Variants in SLC6A18 observed in about 807,000 individuals in gnomAD.
The protein encoded by SLC6A18 is inactive sodium-dependent neutral amino acid transporter B(0)AT3.
In SLC6A18, 58 loss-of-function variants were observed where a neutral mutation model predicts 62.9. The observed-to-expected ratio is 0.92, with a 90% confidence interval of 0.75 to 1.15. The LOEUF (loss-of-function observed/expected upper bound fraction) is 1.15. SLC6A18 is among the 50% of genes most tolerant of loss of function. SLC6A18 has a pLI of 0.00. For missense variants in SLC6A18, 793 were observed against 836.6 expected (o/e 0.95, Z 0.64); for synonymous variants, 382 against 365.8 (o/e 1.04, Z -0.51).
At chr5:1,229,569 G>A (rs902974809) in intron 1 of SLC6A18, among the ~76,000 whole-genome samples, 11 of 152,184 alleles carry the variant, frequency 7.2e-5, no homozygotes, top group African/African-American at 2.7e-4. Context: ...CCTGGACAGT[G>A]GATCCCATAT....
intron 3 of SLC6A18, among the ~76,000 whole-genome samples, chr5:1,233,585 CTTTT>C (rs111463112): frequency 6.5e-5 from 9 of 138,614 alleles, no homozygotes; most frequent in Admixed American, 7.2e-5. Flanking sequence ...ATATTTTCTT[CTTTT>C]TTTTTTTTTT....
intron 1 of SLC6A18, among the ~76,000 whole-genome samples, chr5:1,225,846 A>T (rs529032822): frequency 6.6e-6 from 1 of 152,192 alleles, no homozygotes; most frequent in East Asian, 1.9e-4. Context: ...ACCACTGCCC[A>T]CAGCACGGAG....
At chr5:1,228,654 A>G (rs1436047848) in intron 1 of SLC6A18, among the ~76,000 whole-genome samples, 1 of 152,204 alleles carries the variant, frequency 6.6e-6, no homozygotes, top group South Asian at 2.1e-4. Context: ...AACTTCACGT[A>G]ATTGTTAAAA....
Position 1,242,816 on chromosome 5 carries a change from G to A in SLC6A18, c.1084G>A (p.Ala362Thr), listed in dbSNP as rs1310642908. The change falls in exon 8 of 12, where the codon GCC becomes ACC. Residue 362 changes from alanine (A) to threonine (T), a missense_variant. Coordinates refer to ENST00000324642, the MANE Select transcript of SLC6A18 (RefSeq NM_182632.3). ...GAACGCCACCTGGCCCAAGAGGGTG[G>A]CCCAGCTCCCCCTGAAGGCCTGCCT... ...HLNATWPKRV[A>T]QLPLKACLLE... 6.2e-7 allele frequency: 1 copy of A among 1,613,500 alleles called. No individual in the cohort carries two copies. Among genetic ancestry groups the A allele is most frequent in the Non-Finnish European group, 8.5e-7 (1 of 1,179,700 alleles).
At chr5:1,237,240 C>CAAAAA (rs61528804) in intron 4 of SLC6A18, among the ~76,000 whole-genome samples, 4 of 76,482 alleles carry the variant, frequency 5.2e-5, no homozygotes, top group African/African-American at 1.1e-4. Flanking sequence ...GACTCTGTCT[C>CAAAAA]AAAAAAAAAA....
chr5:1,231,238 G>T (rs1038432515), intron 1 of SLC6A18, among the ~76,000 whole-genome samples: 2 of 152,200 alleles, frequency 1.3e-5, no homozygotes, highest in African/African-American at 4.8e-5. Context: ...AGAAGGCACG[G>T]CCATTCATCT....
chr5:1,233,792 A>G (rs1746802180), intron 3 of SLC6A18, among the ~76,000 whole-genome samples: 1 of 147,762 alleles, frequency 6.8e-6, no homozygotes, highest in South Asian at 2.1e-4. Context: ...CCCAGGCTGG[A>G]GTGCAGTGGT....
At chr5:1,237,082 A>T (rs114886869) in intron 4 of SLC6A18, among the ~76,000 whole-genome samples, 2,987 of 151,816 alleles carry the variant, frequency 0.02, 73 homozygotes, top group South Asian at 0.1. Flanking sequence ...AAAAATAAAA[A>T]AAAAAAAAAA....
At chr5:1,238,319 C>G (rs6877764) in intron 5 of SLC6A18, among the ~76,000 whole-genome samples, 2,989 of 104,610 alleles carry the variant, frequency 0.029, 58 homozygotes, top group Admixed American at 0.048. Flanking sequence ...TCAGGAAAGA[C>G]ATCAGGTTTG....
intron 1 of SLC6A18, among the ~76,000 whole-genome samples, chr5:1,227,383 C>T (rs1275208252): frequency 1.3e-5 from 2 of 152,220 alleles, no homozygotes; most frequent in Non-Finnish European, 2.9e-5. Flanking sequence ...AACGACTCTA[C>T]CATCAATCTC....
intron 3 of SLC6A18, among the ~76,000 whole-genome samples, chr5:1,233,996 C>CT (rs1425033994): frequency 3.9e-5 from 6 of 152,188 alleles, no homozygotes; most frequent in Admixed American, 2.6e-4. Flanking sequence ...CTGCCTCGGC[C>CT]TCCCAAAGTG....
rs537920983 is a variant in SLC6A18 at position 1,244,830 on chromosome 5, C to T, written c.1656+63C>T. 151 of 1,498,498 alleles carry T rather than the reference C, an allele frequency of 1.0e-4. No homozygotes were observed. The East Asian group carries it at 2.4e-3, about 24-fold the overall frequency. 92.8% of individuals were successfully genotyped at this position (1,498,498 alleles called of 1,614,324 possible). A position where few individuals can be genotyped will look rare whatever the true frequency, so the allele number is the denominator to read the frequency against. The stretch of plus-strand genomic sequence containing the variant: ...CCCCTCGGGCTTGGTCTGGCCCCTA[C>T]GGTGCCATCCGGTGCCCGACGACCC... On this transcript the variant is annotated intron_variant, in intron 11 of 11. Coordinates refer to ENST00000324642, the MANE Select transcript of SLC6A18 (RefSeq NM_182632.3).
At chr5:1,225,667 C>A (rs1228582789) in intron 1 of SLC6A18, 30 bp downstream of exon 1, 4 of 1,523,982 alleles carry the variant, frequency 2.6e-6, no homozygotes, top group Middle Eastern at 1.8e-4. Flanking sequence ...CTGGGGCAGA[C>A]CCCTAAGCAG....
In SLC6A18 at chr5:1,225,504, G is replaced by C. The variant is rs35228900; in HGVS notation, c.27G>C (p.Pro9=). The C allele has an allele frequency of 4.8e-5, 77 of 1,613,204 alleles. No individual in the cohort carries two copies. Among genetic ancestry groups the C allele is most frequent in the Non-Finnish European group, 6.2e-5 (73 of 1,179,592 alleles). Residue 9 remains proline (P), a synonymous_variant, in exon 1 of 12, where the codon CCG becomes CCC. Transcript: ENST00000324642. ...TGGCTCATGCCCCAGAACCGGACCCGGCCGCCTGCGACCTCGGGGATGAGA... is the reference window on the plus strand; with the variant it reads ...TGGCTCATGCCCCAGAACCGGACCCCGCCGCCTGCGACCTCGGGGATGAGA... MAHAPEPD[P]AACDLGDERP...
At chr5:1,244,950 G>C (rs941083099) in intron 11 of SLC6A18, among the ~76,000 whole-genome samples, 183 bp downstream of exon 11, 6 of 54,960 alleles carry the variant, frequency 1.1e-4, no homozygotes, top group Non-Finnish European at 2.2e-4. Flanking sequence ...TGGGCTTTGT[G>C]CAGCGCCCGA....
At chr5:1,242,950 G>A in intron 8 of SLC6A18, 87 bp downstream of exon 8, 2 of 1,430,730 alleles carry the variant, frequency 1.4e-6, no homozygotes, top group Non-Finnish European at 1.9e-6. Context: ...GCCAAAGGCT[G>A]CAAACAATTC....
intron 5 of SLC6A18, 59 bp downstream of exon 5, chr5:1,238,119 C>A: frequency 1.5e-6 from 2 of 1,304,260 alleles, no homozygotes; most frequent in South Asian, 1.2e-5. Flanking sequence ...AGGGCTGTGG[C>A]CAGCAGCTCC....
In SLC6A18 at chr5:1,234,033, G is replaced by A. The variant is rs942024496; in HGVS notation, c.439+1145G>A. ...TGGGATTACAGGCGTGAGCCACCGC[G>A]CCCGGCCAGCACCCAGCTAATTTTA... On this transcript the variant is annotated intron_variant, in intron 3 of 11. Coordinates refer to ENST00000324642, the MANE Select transcript of SLC6A18 (RefSeq NM_182632.3). 4.6e-5 allele frequency among the ~76,000 whole-genome samples: 7 copies of A among 152,130 alleles called. No individual in the cohort carries two copies. The East Asian group carries it at 7.7e-4, about 17-fold the overall frequency.
rs746645232 is a variant in SLC6A18 at position 1,242,728 on chromosome 5, C to T, written c.996C>T (p.Asn332=). 25 of 1,611,656 alleles carry T rather than the reference C, an allele frequency of 1.6e-5. 1 individual carries two copies. Among genetic ancestry groups the T allele is most frequent in the East Asian group, 1.1e-4 (5 of 44,850 alleles). The change falls in exon 8 of 12, where the codon AAC becomes AAT. Residue 332 remains asparagine (N), a synonymous_variant. Coordinates refer to ENST00000324642, the MANE Select transcript of SLC6A18 (RefSeq NM_182632.3). ...GCAGAAACATCCTCAGCCTCATCAA[C>T]GACTTTGACTTCCCAGAGCAGAGCA... The part of the protein sequence containing the change: ...CLDRNILSLI[N]DFDFPEQSIS...
Sources: allele counts gnomAD v4.1 joint callset (sites outside exome capture counted in the v4.1 genomes callset), GRCh38; gene constraint gnomAD v4.1.1; transcripts MANE v1.5; gene names NCBI Gene and HGNC (gene_info 2026-07-23, HGNC 2026-07-21).